DLG1: variants seen among roughly 807,000 people sequenced by gnomAD.
The protein encoded by DLG1 is discs large MAGUK scaffold protein 1, also known as disks large homolog 1.
In DLG1, 42 loss-of-function variants were observed where a neutral mutation model predicts 123.4. The ratio of observed to expected loss-of-function variants is 0.34; its 90% confidence interval spans 0.27 to 0.44. The LOEUF (loss-of-function observed/expected upper bound fraction) is 0.44. Ranked by LOEUF, DLG1 falls within the 20% of genes least tolerant of loss-of-function variation. The pLI is 1.00. For missense variants in DLG1, 942 were observed against 1,082.6 expected (o/e 0.87, Z 1.82); for synonymous variants, 317 against 356.2 (o/e 0.89, Z 1.24).
intron 12 of DLG1, among the ~76,000 whole-genome samples, chr3:197,118,537 T>A (rs1343059875): frequency 1.3e-5 from 2 of 152,072 alleles, no homozygotes; most frequent in Non-Finnish European, 2.9e-5. Context: ...AAGTAAAAAA[T>A]AATAATAATG....
intron 4 of DLG1, among the ~76,000 whole-genome samples, chr3:197,203,393 C>T (rs1726849920): frequency 6.6e-6 from 1 of 152,038 alleles, no homozygotes; most frequent in South Asian, 2.1e-4. Context: ...CATTCGAAAA[C>T]TAGGTTTTCT....
chr3:197,065,594 GTAAC>G, intron 21 of DLG1, 110 bp downstream of exon 21: 1 of 989,220 alleles, frequency 1.0e-6, no homozygotes, highest in South Asian at 1.6e-5. Context: ...GGATGGAAGA[GTAAC>G]TGATAAAATA....
At chr3:197,131,822 T>C (rs973260854) in intron 10 of DLG1, among the ~76,000 whole-genome samples, 2 of 151,714 alleles carry the variant, frequency 1.3e-5, no homozygotes, top group African/African-American at 4.8e-5. Flanking sequence ...CTCGATCTCC[T>C]GACCTCGTGA....
In DLG1 at chr3:197,059,923, TGGAGATA is replaced by T; in HGVS notation, c.2442_2448del (p.Ile815PhefsTer14). 6.2e-7 allele frequency: 1 copy of T among 1,613,722 alleles called. No individual in the cohort carries two copies. Among genetic ancestry groups the T allele is most frequent in the Non-Finnish European group, 8.5e-7 (1 of 1,179,796 alleles). On this transcript the variant is annotated frameshift_variant, in exon 23 of 25. Transcript: ENST00000667157. LOFTEE classifies it high-confidence loss of function. ...TCCATGGATTTGGGTTTAATAAAAA[TGGAGATA>T]GGGTAAAGCTGTGCAATCTGTAATC...
intron 16 of DLG1, among the ~76,000 whole-genome samples, chr3:197,081,598 T>C (rs1054974686): frequency 6.6e-6 from 1 of 152,214 alleles, no homozygotes; most frequent in African/African-American, 2.4e-5. Context: ...TCTGAAACTT[T>C]TAACAAAAAG....
intron 4 of DLG1, among the ~76,000 whole-genome samples, chr3:197,198,087 A>T (rs1209339196): frequency 1.3e-5 from 2 of 152,182 alleles, no homozygotes; most frequent in Non-Finnish European, 2.9e-5. Flanking sequence ...CATTAAAAGC[A>T]TCAGCAACCA....
At position 197,193,902 on chromosome 3, in the gene DLG1, T is replaced by C. The variant is rs1295835693; in HGVS notation, c.483+523A>G. Among the ~76,000 whole-genome samples, 11 of 151,958 alleles carry C rather than the reference T, an allele frequency of 7.2e-5. No homozygotes were observed. In the East Asian group the frequency reaches 2.1e-3, roughly 29 times the overall value. ...TGGCGTAATCTAGGCTCACTGCAAC[T>C]TCCGCCTCCCAGGCTCAAGTGATTC... On this transcript the variant is annotated intron_variant, in intron 5 of 24. Transcript: ENST00000667157.
intron 1 of DLG1, chr3:197,297,625 C>T: frequency 1.8e-5 from 18 of 1,002,900 alleles, no homozygotes; most frequent in Non-Finnish European, 2.1e-5. Context: ...GAGAGGGGAC[C>T]AGCGGGACTG....
At chr3:197,177,952 C>G (rs1303085098) in intron 5 of DLG1, among the ~76,000 whole-genome samples, 2 of 152,072 alleles carry the variant, frequency 1.3e-5, no homozygotes, top group Non-Finnish European at 2.9e-5. Context: ...CTCCTTAGCA[C>G]AAGTTCGTAT....
intron 14 of DLG1, among the ~76,000 whole-genome samples, chr3:197,093,722 T>C (rs1260057611): frequency 6.6e-6 from 1 of 152,146 alleles, no homozygotes; most frequent in Non-Finnish European, 1.5e-5. Context: ...ATAACTGAAA[T>C]TGTTCTCAGT....
intron 6 of DLG1, among the ~76,000 whole-genome samples, chr3:197,149,003 TTA>T (rs1267109489): frequency 4.4e-4 from 67 of 152,332 alleles, no homozygotes; most frequent in African/African-American, 1.6e-3. Context: ...TAATTTGCAT[TTA>T]TGTTATTAAC....
chr3:197,181,362 C>T (rs1378134436), intron 5 of DLG1, among the ~76,000 whole-genome samples: 1 of 152,056 alleles, frequency 6.6e-6, no homozygotes, highest in Non-Finnish European at 1.5e-5. Flanking sequence ...AAATAAGAGA[C>T]CTCTGTTATT....
At chr3:197,158,813 T>C (rs1797593181) in intron 5 of DLG1, among the ~76,000 whole-genome samples, 1 of 152,082 alleles carries the variant, frequency 6.6e-6, no homozygotes, top group Non-Finnish European at 1.5e-5. Context: ...AAAGCACATA[T>C]TCAAATATCA....
At chr3:197,186,456 CGTAAT>C (rs1716066018) in intron 5 of DLG1, among the ~76,000 whole-genome samples, 2 of 151,956 alleles carry the variant, frequency 1.3e-5, no homozygotes, top group South Asian at 4.1e-4. Flanking sequence ...TTCTTTTTTC[CGTAAT>C]GTGTTTTCTT....
rs536589798 is a variant in DLG1 at position 197,182,347 on chromosome 3, T to G, written c.483+12078A>C. Among the ~76,000 whole-genome samples the G allele has an allele frequency of 5.9e-5, 9 of 152,306 alleles. No individual in the cohort carries two copies. The South Asian group carries it at 1.9e-3, about 32-fold the overall frequency. Reference sequence around the variant, plus strand: ...TTGCCCATTCAATAAGTTTTGATTGTAACTTAACCTCAATGCCTACATAAT... The same window carrying G: ...TTGCCCATTCAATAAGTTTTGATTGGAACTTAACCTCAATGCCTACATAAT... On this transcript the variant is annotated intron_variant, in intron 5 of 24. Transcript: ENST00000667157.
chr3:197,280,092 C>T (rs545250702), intron 4 of DLG1, among the ~76,000 whole-genome samples: 1 of 152,178 alleles, frequency 6.6e-6, no homozygotes, highest in Admixed American at 6.5e-5. Context: ...TGTATTCCTT[C>T]TAACTATTTT....
intron 4 of DLG1, among the ~76,000 whole-genome samples, chr3:197,264,136 T>C (rs1000978483): frequency 8.9e-6 from 1 of 112,912 alleles, no homozygotes; most frequent in Non-Finnish European, 1.8e-5. Flanking sequence ...GAACAAATTT[T>C]AGTTAAACTC....
At chr3:197,139,586 T>C (rs1342803393) in intron 8 of DLG1, among the ~76,000 whole-genome samples, 1 of 152,176 alleles carries the variant, frequency 6.6e-6, no homozygotes, top group East Asian at 1.9e-4. Context: ...AATGGAACAC[T>C]AAATTTAAAC....
intron 4 of DLG1, among the ~76,000 whole-genome samples, chr3:197,267,313 A>G (rs938023783): frequency 6.6e-6 from 1 of 152,212 alleles, no homozygotes; most frequent in Admixed American, 6.5e-5. Context: ...AAAAAATCAG[A>G]TAACATATGC....
Sources: gnomAD v4.1 joint callset for allele counts (sites outside exome capture counted in the v4.1 genomes callset) on GRCh38, gnomAD v4.1.1 for gene constraint, MANE v1.5 for transcripts, NCBI Gene and HGNC (gene_info 2026-07-23, HGNC 2026-07-21) for gene names.